The following RGS12 variants were observed in gnomAD, a reference collection of about 807,000 sequenced individuals.
The protein encoded by RGS12 is regulator of G protein signaling 12, also known as regulator of G-protein signaling 12.
RGS12 carries 66 observed loss-of-function variants against 120.1 expected under a neutral mutation model. The observed-to-expected ratio is 0.55, with a 90% confidence interval of 0.45 to 0.67. RGS12 has a LOEUF of 0.67. RGS12 is among the 30% of genes least tolerant of loss of function. The probability of loss-of-function intolerance (pLI) is 0.00; values close to 1 mark genes in which losing one functional copy is unlikely to be tolerated. For synonymous variants in RGS12, 827 were observed against 804.7 expected, an observed-to-expected ratio of 1.03 and a Z score of -0.47; for missense variants, 1,859 against 1,957.7, an observed-to-expected ratio of 0.95 and a Z score of 0.95.
chr4:3,295,389 G>C (rs1723322069), intron 1 of RGS12, among the ~76,000 whole-genome samples: 1 of 152,172 alleles, frequency 6.6e-6, no homozygotes, highest in South Asian at 2.1e-4. Flanking sequence ...GCTGGGTGCA[G>C]TGACTTAACG....
intron 4 of RGS12, among the ~76,000 whole-genome samples, chr4:3,396,626 GTCTATC>G (rs1720069573): frequency 6.6e-6 from 1 of 152,172 alleles, no homozygotes; most frequent in Non-Finnish European, 1.5e-5. Flanking sequence ...TGGTCTGTTT[GTCTATC>G]ATTGGATCAG....
intron 17 of RGS12, among the ~76,000 whole-genome samples, chr4:3,434,114 T>C (rs1364444802): frequency 2.6e-5 from 4 of 152,210 alleles, no homozygotes; most frequent in Non-Finnish European, 4.4e-5. Flanking sequence ...GAGGTGTAAT[T>C]GACCCACAGT....
intron 17 of RGS12, among the ~76,000 whole-genome samples, chr4:3,438,391 G>A (rs1329134608): frequency 2.0e-5 from 3 of 151,996 alleles, no homozygotes; most frequent in Non-Finnish European, 4.4e-5. Context: ...GTCACTGGGC[G>A]GGTCGGCAAC....
chr4:3,317,684 C>T lies in RGS12; in HGVS notation c.1514C>T (p.Ala505Val). ...GACCTAAACAAGCACCTAGGGCCAG[C>T]CTCTCCTGTGGAGGTGCCCCCAGCT... ...FWDLNKHLGP[A>V]SPVEVPPASL... The change falls in exon 2 of 18, where the codon GCC (alanine) becomes GTC (valine). Residue 505 changes from alanine to valine, a missense_variant. Physicochemically the swap from Ala to Val is moderately conservative, Grantham distance 64. This residue lies in a region of RGS12 where 967 missense variants were observed against 994.2 expected (regional missense o/e 0.97). Coordinates refer to ENST00000336727, the MANE Select transcript of RGS12 (RefSeq NM_001394154.1). 1 of 1,610,672 alleles carries T rather than the reference C, an allele frequency of 6.2e-7. No homozygotes were observed. Among genetic ancestry groups the T allele is most frequent in the Non-Finnish European group, 8.5e-7 (1 of 1,178,018 alleles).
In RGS12 at chr4:3,388,431, C is replaced by T. The variant is rs140408637; in HGVS notation, c.2020+1994C>T. On this transcript the variant is annotated intron_variant, in intron 4 of 17. Coordinates refer to ENST00000336727, the MANE Select transcript of RGS12 (RefSeq NM_001394154.1). ...TTTAATGTGCACATGAGCTCTAGAT[C>T]GGTGTCACATTCTGCCGTTGTTAGA... 8.5e-3 allele frequency among the ~76,000 whole-genome samples: 1,295 copies of T among 152,332 alleles called. 8 individuals are homozygous for T. Among genetic ancestry groups the T allele is most frequent in the Non-Finnish European group, 0.013 (896 of 68,028 alleles).
intron 4 of RGS12, among the ~76,000 whole-genome samples, chr4:3,391,681 G>A (rs1719517024): frequency 6.6e-6 from 1 of 152,154 alleles, no homozygotes; most frequent in Non-Finnish European, 1.5e-5. Context: ...TGTCCGCCCT[G>A]TTTGGTGGTC....
intron 1 of RGS12, among the ~76,000 whole-genome samples, chr4:3,311,991 G>A (rs1724431722): frequency 6.6e-6 from 1 of 152,174 alleles, no homozygotes; most frequent in African/African-American, 2.4e-5. Flanking sequence ...CAGTGAAGAG[G>A]CTGGGTTAAA....
chr4:3,288,492 A>T (rs1322506926), upstream of RGS12, among the ~76,000 whole-genome samples: 1 of 152,140 alleles, frequency 6.6e-6, no homozygotes. This position sits in a 1 kb window ranked among gnomAD's most constrained non-coding sequence, Gnocchi z 5.2. Context: ...ATGCAGGCCC[A>T]TGGGTGTCCC....
chr4:3,368,770 T>C (rs1462452251), intron 3 of RGS12, among the ~76,000 whole-genome samples: 1 of 139,262 alleles, frequency 7.2e-6, no homozygotes, highest in Non-Finnish European at 1.5e-5. Flanking sequence ...GTGTGTGTGG[T>C]GGGGTGGATG....
At chr4:3,358,385 G>A (rs990878246) in intron 3 of RGS12, among the ~76,000 whole-genome samples, 1 of 152,104 alleles carries the variant, frequency 6.6e-6, no homozygotes, top group African/African-American at 2.4e-5. Context: ...AAGAATTGTC[G>A]AAGTGGGCAT....
chr4:3,317,373 G>A lies in RGS12; in HGVS notation c.1203G>A (p.Arg401=), dbSNP rs1200415466. 7 of 1,613,956 alleles carry A rather than the reference G, an allele frequency of 4.3e-6. No individual in the cohort carries two copies. Among genetic ancestry groups the A allele is most frequent in the Non-Finnish European group, 5.9e-6 (7 of 1,180,046 alleles). The change falls in exon 2 of 18, where the codon CGG becomes CGA. Residue 401 remains arginine (R), a synonymous_variant. Transcript: ENST00000336727. ...TGGGTGAGCTGATTGAGGGCATGCG[G>A]GCCCGCGCCTTTCTGGACGGGGACG... The part of the protein sequence containing the change: ...RDMGELIEGM[R]ARAFLDGDAD...
Position 3,422,626 on chromosome 4 carries a change from T to C in RGS12, c.3033+56T>C, listed in dbSNP as rs1723145322. The C allele has an allele frequency of 5.2e-6, 8 of 1,549,606 alleles. No homozygotes were observed. In the East Asian group the frequency reaches 1.6e-4, roughly 31 times the overall value. On this transcript the variant is annotated intron_variant, in intron 11 of 17. Transcript: ENST00000336727. ...CTCAGGCCATGACCTCCCCGCTCCC[T>C]GGCCCCCAGCTTTGTCAGAGTCCTC...
chr4:3,415,916 C>T (rs1290841181), intron 6 of RGS12, 62 bp from the exon 7 acceptor site: 21 of 1,536,624 alleles, frequency 1.4e-5, no homozygotes, highest in Non-Finnish European at 1.8e-5. Flanking sequence ...CGGGCCTTGG[C>T]AGGCAGCAGG....
chr4:3,409,917 G>C (rs1436279047), intron 4 of RGS12, among the ~76,000 whole-genome samples: 1 of 152,212 alleles, frequency 6.6e-6, no homozygotes, highest in Non-Finnish European at 1.5e-5. Flanking sequence ...GGACCCTGCA[G>C]TCTCTTGCTC....
At chr4:3,293,813 CGTGG>C (rs1560632977) in intron 1 of RGS12, among the ~76,000 whole-genome samples, 8 of 131,656 alleles carry the variant, frequency 6.1e-5, no homozygotes, top group African/African-American at 1.5e-4. Context: ...GGCCCAGAGC[CGTGG>C]AGTGTAGACC....
chr4:3,376,247 AACACACACACAC>A (rs55666879), intron 3 of RGS12, among the ~76,000 whole-genome samples: 77 of 143,582 alleles, frequency 5.4e-4, no homozygotes, highest in Middle Eastern at 3.5e-3. Context: ...AGCTCCTTGG[AACACACACACAC>A]ACACACACAC....
chr4:3,321,195 T>C (rs1169105509), intron 2 of RGS12, among the ~76,000 whole-genome samples: 2 of 152,090 alleles, frequency 1.3e-5, no homozygotes, highest in Non-Finnish European at 2.9e-5. Flanking sequence ...AAAGAAAGGC[T>C]AAGGTCATCA....
At chr4:3,338,052 G>A (rs1363472962) in intron 2 of RGS12, among the ~76,000 whole-genome samples, 4 of 152,076 alleles carry the variant, frequency 2.6e-5, no homozygotes, top group East Asian at 1.9e-4. Flanking sequence ...ACTGATGGTC[G>A]CATGGGATGA....
chr4:3,354,660 G>A (rs61425475), intron 3 of RGS12, among the ~76,000 whole-genome samples: 23 of 152,294 alleles, frequency 1.5e-4, no homozygotes, highest in South Asian at 8.3e-4. Flanking sequence ...GTTCACAGAC[G>A]CAATCACAAT....
Sources: allele counts gnomAD v4.1 joint callset (sites outside exome capture counted in the v4.1 genomes callset), GRCh38; gene constraint gnomAD v4.1.1; regional missense constraint gnomAD v4.1.1; non-coding constraint Gnocchi (gnomAD v3.1); transcripts MANE v1.5; gene names NCBI Gene and HGNC (gene_info 2026-07-23, HGNC 2026-07-21).